Variants in CPLX1 observed in about 807,000 individuals in gnomAD.
CPLX1 encodes the protein complexin-1.
Under a neutral mutation model 15.6 loss-of-function variants are expected in CPLX1, and 6 were observed. The observed-to-expected ratio is 0.39, with a 90% CI of 0.21 to 0.76. The LOEUF is 0.76. CPLX1 is among the 30% of genes least tolerant of loss of function. The pLI, the probability that CPLX1 is intolerant of heterozygous loss-of-function variation, is 0.43. For missense variants in CPLX1, 242 were observed against 188.6 expected (o/e 1.28, Z -1.66); for synonymous variants, 91 against 75.2 (o/e 1.21, Z -1.08).
In CPLX1 at chr4:792,487, C is replaced by G. The variant is rs778044492; in HGVS notation, c.153G>C (p.Lys51Asn). 2.5e-6 allele frequency: 4 copies of G among 1,612,576 alleles called. No individual in the cohort carries two copies. Among genetic ancestry groups the G allele is most frequent in the Non-Finnish European group, 3.4e-6 (4 of 1,179,566 alleles). ...CGCGCTCCGCCTCCATCTTGGCGTA[C>G]TTGGCCTTGCGCTCCTCCTCCGCCT... ...LRQAEEERKA[K>N]YAKMEAEREA... is the part of the protein sequence containing the mutation. The change falls in exon 3 of 4, where the codon AAG becomes AAC. Residue 51 changes from lysine (K) to asparagine (N), a missense_variant. By Grantham distance (94) the Lys-to-Asn change is moderately conservative. Coordinates refer to ENST00000304062, the MANE Select transcript of CPLX1 (RefSeq NM_006651.4).
rs187687962 is a variant in CPLX1, at chr4:809,119, G to C, written c.31+15373C>G. Among the ~76,000 whole-genome samples, 701 of 152,380 alleles carry C rather than the reference G, an allele frequency of 4.6e-3. 6 individuals are homozygous for C. Among genetic ancestry groups the C allele is most frequent in the Non-Finnish European group, 7.3e-3 (495 of 68,040 alleles). The stretch of plus-strand genomic sequence containing the variant: ...GGAAACACAGTGAGTACTCAGTGGG[G>C]CTCATTTTAGCAAAGTGAGGATGGT... On this transcript the variant is annotated intron_variant, in intron 2 of 3. Coordinates refer to ENST00000304062, the MANE Select transcript of CPLX1 (RefSeq NM_006651.4).
At chr4:802,446 G>C (rs1314135686) in intron 2 of CPLX1, among the ~76,000 whole-genome samples, 2 of 152,166 alleles carry the variant, frequency 1.3e-5, no homozygotes, top group Non-Finnish European at 2.9e-5. Context: ...AATGGTTATT[G>C]AAAATAAATT....
intron 2 of CPLX1, among the ~76,000 whole-genome samples, chr4:819,921 G>A (rs1746829639): frequency 6.6e-6 from 1 of 152,200 alleles, no homozygotes; most frequent in South Asian, 2.1e-4. Flanking sequence ...GGCACCTGAT[G>A]GCACCAGGTC....
chr4:821,205 G>A (rs927067359), intron 2 of CPLX1, among the ~76,000 whole-genome samples: 4 of 152,192 alleles, frequency 2.6e-5, no homozygotes, highest in Non-Finnish European at 2.9e-5. Flanking sequence ...TTCACTGCCG[G>A]ACACTGTCCA....
intron 3 of CPLX1, chr4:787,758 G>A (rs1746045167): frequency 4.1e-6 from 4 of 985,096 alleles, no homozygotes; most frequent in South Asian, 4.7e-5. Flanking sequence ...AGATCAATAC[G>A]CCTCCCCACG....
intron 2 of CPLX1, among the ~76,000 whole-genome samples, chr4:807,338 G>C (rs1186032070): frequency 3.3e-5 from 5 of 152,218 alleles, no homozygotes; most frequent in African/African-American, 1.2e-4. Context: ...GGGGAAGAGA[G>C]AGCATCAAGA....
chr4:798,646 C>T (rs1171970102), intron 2 of CPLX1, among the ~76,000 whole-genome samples: 2 of 152,254 alleles, frequency 1.3e-5, no homozygotes, highest in Non-Finnish European at 2.9e-5. Flanking sequence ...ATTTGCCTGC[C>T]TCAGCCTCCC....
chr4:820,549 C>A (rs1746841756), intron 2 of CPLX1, among the ~76,000 whole-genome samples: 1 of 152,136 alleles, frequency 6.6e-6, no homozygotes, highest in Non-Finnish European at 1.5e-5. Context: ...GCCTGAGGTC[C>A]CAGATGGTGA....
At chr4:804,037 G>A (rs1324318766) in intron 2 of CPLX1, among the ~76,000 whole-genome samples, 1 of 152,258 alleles carries the variant, frequency 6.6e-6, no homozygotes, top group Non-Finnish European at 1.5e-5. Flanking sequence ...GCGGTGTTCA[G>A]TGAGATGTGT....
rs1402790650 is a variant in CPLX1 at position 824,501 on chromosome 4, C to T, written c.22G>A (p.Ala8Thr). 6.8e-6 allele frequency: 11 copies of T among 1,612,890 alleles called. No homozygotes were observed. The highest frequency in any genetic ancestry group is 9.3e-6 in the Non-Finnish European group (11 of 1,179,756). The change falls in exon 2 of 4, where the codon GCT (alanine) becomes ACT (threonine). Residue 8 changes from alanine (A) to threonine (T), a missense_variant. Ala to Thr is a moderately conservative substitution (Grantham distance 58). Coordinates refer to ENST00000304062, the MANE Select transcript of CPLX1 (RefSeq NM_006651.4). The stretch of plus-strand genomic sequence containing the variant: ...ACCTCCCGCTTCCTACCTCCTAGAG[C>T]CTGCTTCATCACAAACTCCATGGCG... MEFVMKQ[A>T]LGGATKDMGK...
At chr4:821,728 G>A (rs904023860) in intron 2 of CPLX1, among the ~76,000 whole-genome samples, 6 of 152,146 alleles carry the variant, frequency 3.9e-5, no homozygotes, top group African/African-American at 1.4e-4. Context: ...TGCTGCAGAG[G>A]AGCCTCCCGC....
chr4:786,500 G>A lies in CPLX1; in HGVS notation c.*1C>T, dbSNP rs573107948. 1.3e-6 allele frequency: 2 copies of A among 1,572,664 alleles called. No individual in the cohort carries two copies. The highest frequency in any genetic ancestry group is 1.8e-5 in the Admixed American group (1 of 55,152). On this transcript the variant is annotated 3_prime_UTR_variant, in exon 4 of 4. Coordinates refer to ENST00000304062, the MANE Select transcript of CPLX1 (RefSeq NM_006651.4). ...CCGCGGGGCCGCTGTCCCGCGCGCG[G>A]CTACTTCTTGAGCATGTCCTGCAGC...
At chr4:818,369 G>A (rs765889697) in intron 2 of CPLX1, among the ~76,000 whole-genome samples, 5 of 152,368 alleles carry the variant, frequency 3.3e-5, no homozygotes, top group Middle Eastern at 3.4e-3. Flanking sequence ...CACGGGCCTC[G>A]ACTGCCACCG....
chr4:786,716 G>C lies in CPLX1; in HGVS notation c.208-18C>G. ...ATGCCGTACTGCGGGGGAGGCGGGG[G>C]TCAGGGCGGGGGTCCCGGCGGCTCC... is the stretch of plus-strand genomic sequence containing the variant. On this transcript the variant is annotated intron_variant, in intron 3 of 3. Transcript: ENST00000304062. 1.3e-6 allele frequency: 2 copies of C among 1,577,994 alleles called. No homozygotes were observed. Among genetic ancestry groups the C allele is most frequent in the Non-Finnish European group, 1.7e-6 (2 of 1,160,982 alleles).
In CPLX1 at chr4:786,802, G is replaced by T. The variant is rs1345465411; in HGVS notation, c.208-104C>A. 5 of 1,444,880 alleles carry T rather than the reference G, an allele frequency of 3.5e-6. No individual in the cohort carries two copies. The African/African-American group carries it at 4.4e-5, about 13-fold the overall frequency. 89.5% of individuals were successfully genotyped at this position (1,444,880 alleles called of 1,614,324 possible). A position where few individuals can be genotyped will look rare whatever the true frequency, so the allele number is the denominator to read the frequency against. ...CCCAGGAACCCCCGAAGGCGTGGGT[G>T]CGGCCCCCTACCCCACCAGGCACAC... On this transcript the variant is annotated intron_variant, in intron 3 of 3. Coordinates refer to ENST00000304062, the MANE Select transcript of CPLX1 (RefSeq NM_006651.4).
At position 792,419 on chromosome 4, in the gene CPLX1, G is replaced by A. The variant is rs1370147694; in HGVS notation, c.207+14C>T. The A allele has an allele frequency of 2.0e-6, 3 of 1,522,616 alleles. No individual in the cohort carries two copies. Among genetic ancestry groups the A allele is most frequent in the African/African-American group, 1.4e-5 (1 of 72,098 alleles). The allele number at this position is 1,522,616 out of a possible 1,614,324, so 94.3% of individuals were successfully genotyped here. On this transcript the variant is annotated intron_variant, in intron 3 of 3. Coordinates refer to ENST00000304062, the MANE Select transcript of CPLX1 (RefSeq NM_006651.4). ...GGGCCGCCTTCCCGCAGGCGGGGCC[G>A]GCCCGGCGCGCACCTTGTCTCGGAT...
chr4:824,206 G>A (rs1746928932), intron 2 of CPLX1, among the ~76,000 whole-genome samples: 1 of 152,252 alleles, frequency 6.6e-6, no homozygotes, highest in Non-Finnish European at 1.5e-5. Flanking sequence ...GCATCAGCAT[G>A]GTCCATGGGC....
intron 2 of CPLX1, among the ~76,000 whole-genome samples, chr4:802,175 A>G (rs1746472224): frequency 6.6e-6 from 1 of 152,256 alleles, no homozygotes; most frequent in Non-Finnish European, 1.5e-5. Context: ...ACAGGTGAAT[A>G]GACAAACTGT....
In CPLX1 at chr4:824,526, G is replaced by C; in HGVS notation, c.-4C>G. 1 of 1,612,820 alleles carries C rather than the reference G, an allele frequency of 6.2e-7. No homozygotes were observed. The highest frequency in any genetic ancestry group is 8.5e-7 in the Non-Finnish European group (1 of 1,179,748). On this transcript the variant is annotated 5_prime_UTR_variant, in exon 2 of 4. In the 5' UTR this introduces an upstream ATG that the reference lacks. Coordinates refer to ENST00000304062, the MANE Select transcript of CPLX1 (RefSeq NM_006651.4). ...CCTGCTTCATCACAAACTCCATGGC[G>C]ATTGCTCTGCTTCCACAGTGGCTCC...
Sources: gnomAD v4.1 joint callset for allele counts (sites outside exome capture counted in the v4.1 genomes callset) on GRCh38, gnomAD v4.1.1 for gene constraint, MANE v1.5 for transcripts, NCBI Gene and HGNC (gene_info 2026-07-23, HGNC 2026-07-21) for gene names.